The following CACNA1A variants were observed in gnomAD, a reference collection of about 807,000 sequenced individuals.
The protein encoded by CACNA1A is voltage-dependent P/Q-type calcium channel subunit alpha-1A.
In CACNA1A, 57 loss-of-function variants were observed where a neutral mutation model predicts 262.4. The observed-to-expected ratio is 0.22, with a 90% CI of 0.18 to 0.27. CACNA1A has a LOEUF of 0.27. CACNA1A is among the 10% of genes least tolerant of loss of function. CACNA1A has a pLI of 1.00. For synonymous variants in CACNA1A, 1,431 were observed against 1,419.3 expected (o/e 1.01, Z -0.18); for missense variants, 2,526 against 3,562.8 (o/e 0.71, Z 7.41).
At chr19:13,410,102 T>C (rs1356008619) in intron 3 of CACNA1A, among the ~76,000 whole-genome samples, 1 of 152,164 alleles carries the variant, frequency 6.6e-6, no homozygotes, top group African/African-American at 2.4e-5. Context: ...CTTCCACCTG[T>C]ACACCAAATG....
intron 38 of CACNA1A, among the ~76,000 whole-genome samples, chr19:13,215,658 C>T (rs1303836297): frequency 6.6e-6 from 1 of 150,802 alleles, no homozygotes; most frequent in Non-Finnish European, 1.5e-5. Context: ...CTCTCTGTTC[C>T]CAGGCTGAAG....
intron 37 of CACNA1A, chr19:13,225,066 G>T (rs1272652658): frequency 1.8e-5 from 4 of 227,802 alleles, no homozygotes; most frequent in African/African-American, 4.2e-5. Flanking sequence ...CCCCACCCCC[G>T]CCCTGCCCCA....
intron 3 of CACNA1A, among the ~76,000 whole-genome samples, chr19:13,403,623 T>C (rs2059949146): frequency 6.6e-6 from 1 of 151,982 alleles, no homozygotes; most frequent in South Asian, 2.1e-4. Flanking sequence ...GCTCACAAGA[T>C]TGTGCTTGGC....
chr19:13,447,890 A>G (rs1386190490), intron 3 of CACNA1A, among the ~76,000 whole-genome samples: 1 of 152,146 alleles, frequency 6.6e-6, no homozygotes, highest in East Asian at 1.9e-4. Context: ...GTGCCCACAC[A>G]GATTGGGGGT....
intron 3 of CACNA1A, among the ~76,000 whole-genome samples, chr19:13,405,364 T>C (rs1168837948): frequency 1.3e-5 from 2 of 151,808 alleles, no homozygotes; most frequent in African/African-American, 4.8e-5. Context: ...GGCTAATTAT[T>C]TGTATTTTTA....
chr19:13,230,084 A>T lies in CACNA1A; in HGVS notation c.5526T>A (p.Ala1842=), dbSNP rs768129654. 6.2e-7 allele frequency: 1 copy of T among 1,613,030 alleles called. No homozygotes were observed. Among genetic ancestry groups the T allele is most frequent in the Non-Finnish European group, 8.5e-7 (1 of 1,179,348 alleles). The change falls in exon 36 of 47, where the codon GCT becomes GCA. Residue 1842 remains alanine, a splice_region_variant and synonymous_variant. Coordinates refer to ENST00000360228, the MANE Select transcript of CACNA1A (RefSeq NM_001127222.2). ...GAGGATTCGGGGTGACTTCTTACCA[A>T]GCTGCGGGGTCATACTCGGCCCAGA... ...VRVWAEYDPA[A]WGRMPYLDMY...
intron 3 of CACNA1A, chr19:13,450,213 A>C (rs189025394): frequency 6.6e-6 from 1 of 150,762 alleles, no homozygotes. Flanking sequence ...CTCTATCCCC[A>C]ATTCTCCCCA....
intron 36 of CACNA1A, 168 bp from the exon 37 acceptor site, chr19:13,227,695 A>G (rs2055510680): frequency 2.8e-6 from 1 of 362,680 alleles, no homozygotes; most frequent in South Asian, 9.2e-5. Context: ...GATAAAATAG[A>G]TATTTCAAAT....
chr19:13,240,671 GTGTGTGCAGTGTC>G (rs1263761386), intron 31 of CACNA1A, among the ~76,000 whole-genome samples: 6 of 150,536 alleles, frequency 4.0e-5, no homozygotes, highest in Non-Finnish European at 5.9e-5. Flanking sequence ...GATAGTGACT[GTGTGTGCAGTGTC>G]TGTGTGCAGT....
In CACNA1A at chr19:13,209,017, G is replaced by A. The variant is rs1265326582; in HGVS notation, c.6527-8C>T. 2.9e-5 allele frequency: 44 copies of A among 1,537,036 alleles called. No homozygotes were observed. In the East Asian group the frequency reaches 3.2e-4, roughly 11 times the overall value. ...TCAGGTCTGTCCCCAAGCCTGGGCC[G>A]GGTGAGGGTCAGACAGACACACAGG... On this transcript the variant is annotated splice_polypyrimidine_tract_variant and splice_region_variant and intron_variant, in intron 45 of 46. Transcript: ENST00000360228.
intron 21 of CACNA1A, 71 bp downstream of exon 21, chr19:13,284,997 A>G (rs2057369083): frequency 6.5e-6 from 10 of 1,529,652 alleles, no homozygotes; most frequent in Admixed American, 1.7e-5. Context: ...ATTGCCCTCT[A>G]TCTGGCCTGA....
chr19:13,379,208 T>TGG (rs1485294963), intron 3 of CACNA1A, among the ~76,000 whole-genome samples: 1 of 152,122 alleles, frequency 6.6e-6, no homozygotes, highest in Non-Finnish European at 1.5e-5. Flanking sequence ...TTCAAATCCC[T>TGG]GGGCTCAAGC....
At chr19:13,457,024 A>C (rs1568663986) in intron 1 of CACNA1A, among the ~76,000 whole-genome samples, 8 of 151,718 alleles carry the variant, frequency 5.3e-5, no homozygotes, top group African/African-American at 1.9e-4. Context: ...CCGAGGTAGG[A>C]GGATTACTTG....
intron 3 of CACNA1A, among the ~76,000 whole-genome samples, chr19:13,413,208 A>G (rs1319567117): frequency 4.0e-5 from 6 of 150,332 alleles, no homozygotes; most frequent in South Asian, 2.1e-4. Context: ...CCAGGTTCAC[A>G]CCATTCTCCT....
At chr19:13,497,936 C>G (rs922586854) in intron 1 of CACNA1A, among the ~76,000 whole-genome samples, 1 of 151,834 alleles carries the variant, frequency 6.6e-6, no homozygotes, top group African/African-American at 2.4e-5. Flanking sequence ...CCAGGGTGGA[C>G]TGTTCCCAAG....
intron 3 of CACNA1A, among the ~76,000 whole-genome samples, chr19:13,395,829 GC>G (rs1159639105): frequency 6.7e-6 from 1 of 150,324 alleles, no homozygotes; most frequent in African/African-American, 2.5e-5. Context: ...AACCAAGAGA[GC>G]CCCCCCTCCA....
chr19:13,255,718 T>TCCTTCTCTCCCTCCCTC (rs2056536746), intron 28 of CACNA1A, among the ~76,000 whole-genome samples: 1 of 88,978 alleles, frequency 1.1e-5, no homozygotes, highest in South Asian at 4.7e-4. Flanking sequence ...CCTCCCTCCC[T>TCCTTCTCTCCCTCCCTC]CCTTCTCTCC....
At position 13,230,987 on chromosome 19, in the gene CACNA1A, G is replaced by GT. The variant is rs1168337382; in HGVS notation, c.5400+722dup. On this transcript the variant is annotated intron_variant, in intron 35 of 46. Transcript: ENST00000360228. The stretch of plus-strand genomic sequence containing the variant: ...AGTGAGGTATTTCTTCCCTCGCAAT[G>GT]TTTTTTTTTTTTTTGTTTGTTTTTG... Among the ~76,000 whole-genome samples, 176 of 132,226 alleles carry GT rather than the reference G, an allele frequency of 1.3e-3. 1 individual carries two copies. The highest frequency in any genetic ancestry group is 4.5e-3 in the Middle Eastern group (1 of 224). 86.7% of individuals were successfully genotyped at this position (132,226 alleles called of 152,430 possible).
At chr19:13,225,015 G>C (rs1184856468) in intron 37 of CACNA1A, 3 of 444,452 alleles carry the variant, frequency 6.7e-6, no homozygotes, top group Non-Finnish European at 1.2e-5. Context: ...CCACCTGCTT[G>C]ACCTGAGAGC....
Sources: gnomAD v4.1 joint callset for allele counts (sites outside exome capture counted in the v4.1 genomes callset) on GRCh38, gnomAD v4.1.1 for gene constraint, MANE v1.5 for transcripts, NCBI Gene and HGNC (gene_info 2026-07-23, HGNC 2026-07-21) for gene names.